Variants in IFNAR2 observed in about 807,000 individuals in gnomAD.
IFNAR2 encodes interferon alpha/beta receptor 2.
In IFNAR2, 30 loss-of-function variants were observed where a neutral mutation model predicts 49.4. That is an observed-to-expected ratio of 0.61 (90% confidence interval 0.45 to 0.82). The LOEUF (loss-of-function observed/expected upper bound fraction) is 0.82. Ranked by LOEUF, IFNAR2 falls within the 40% of genes least tolerant of loss-of-function variation. IFNAR2 has a pLI of 0.00. For missense variants in IFNAR2, 600 were observed against 622.7 expected, an observed-to-expected ratio of 0.96 and a Z score of 0.39; for synonymous variants, 224 against 234.5, an observed-to-expected ratio of 0.96 and a Z score of 0.41.
Position 33,263,763 on chromosome 21 carries a change from A to T in IFNAR2, c.*263A>T. 2.3e-6 allele frequency: 1 copy of T among 432,110 alleles called. No homozygotes were observed. 26.8% of individuals were successfully genotyped at this position (432,110 alleles called of 1,614,324 possible). On this transcript the variant is annotated 3_prime_UTR_variant, in exon 9 of 9. Coordinates refer to ENST00000342136, the MANE Select transcript of IFNAR2 (RefSeq NM_001289125.3). ...ACCTTTCCTTTACACTAATGCACTT[A>T]GGATGTTTCTGCATCATGTCTACCA...
rs528470888 is a variant in IFNAR2 at position 33,244,760 on chromosome 21, A to T, written c.98-191A>T. Among the ~76,000 whole-genome samples the T allele has an allele frequency of 3.4e-4, 51 of 152,190 alleles. 1 individual carries two copies. Among genetic ancestry groups the T allele is most frequent in the African/African-American group, 1.1e-3 (47 of 41,516 alleles). On this transcript the variant is annotated intron_variant, in intron 3 of 8. Coordinates refer to ENST00000342136, the MANE Select transcript of IFNAR2 (RefSeq NM_001289125.3). ...TCCCATGCTTGCCTGCCCTGACAAT[A>T]TGTTGCTCGTTAATTGACTTACTAA...
At chr21:33,245,645 A>T (rs2252650) in intron 4 of IFNAR2, among the ~76,000 whole-genome samples, 101,061 of 152,044 alleles carry the variant, frequency 0.66, 33,976 homozygotes, top group African/African-American at 0.74. Context: ...GACATAATGG[A>T]TGGAGTCCTG....
intron 4 of IFNAR2, 24 bp from the exon 5 acceptor site, chr21:33,246,694 T>G: frequency 6.3e-7 from 1 of 1,597,708 alleles, no homozygotes; most frequent in Non-Finnish European, 8.5e-7. Context: ...ACAATTTCCT[T>G]TTTCCATTTT....
In IFNAR2 at chr21:33,249,061, C is replaced by T. The variant is rs924486130; in HGVS notation, c.540+207C>T. On this transcript the variant is annotated intron_variant, in intron 6 of 8. Coordinates refer to ENST00000342136, the MANE Select transcript of IFNAR2 (RefSeq NM_001289125.3). ...CAGTGTTCTTTAAAAGAATAAGCCA[C>T]GGCTGGGCCTGGTGGCTCACGCCTA... Among the ~76,000 whole-genome samples the T allele has an allele frequency of 9.2e-5, 14 of 152,098 alleles. No individual in the cohort carries two copies. The South Asian group carries it at 1.2e-3, about 14-fold the overall frequency.
chr21:33,260,840 CACCA>C (rs1988519838), intron 8 of IFNAR2, 113 bp downstream of exon 8: 1 of 620,480 alleles, frequency 1.6e-6, no homozygotes, highest in African/African-American at 1.9e-5. Context: ...TTTCTATAAA[CACCA>C]AAATGCTTTC....
In IFNAR2 at chr21:33,243,645, CCT is replaced by C. The variant is rs1267330403; in HGVS notation, c.56-23_56-22del. 5.0e-6 allele frequency: 8 copies of C among 1,596,576 alleles called. No individual in the cohort carries two copies. In the African/African-American group the frequency reaches 8.1e-5, roughly 16 times the overall value. On this transcript the variant is annotated intron_variant, in intron 2 of 8. Transcript: ENST00000342136. ...AAGTTGAGCCCAGATAAAACTATTG[CCT>C]CTCTAATGTGTTTTCTTCCTTCTAG...
At chr21:33,248,670 T>A (rs763854278) in intron 5 of IFNAR2, 39 bp from the exon 6 acceptor site, 1 of 1,562,872 alleles carries the variant, frequency 6.4e-7, no homozygotes, top group Non-Finnish European at 8.7e-7. Context: ...ACATATGGTC[T>A]CTGTGACATA....
chr21:33,238,126 A>G (rs1986619661), intron 1 of IFNAR2, among the ~76,000 whole-genome samples: 1 of 152,148 alleles, frequency 6.6e-6, no homozygotes, highest in Non-Finnish European at 1.5e-5. Flanking sequence ...CGAAAAATGC[A>G]AGTTAGCTCC....
chr21:33,252,570 T>A, intron 6 of IFNAR2, 92 bp from the exon 7 acceptor site: 1 of 1,497,168 alleles, frequency 6.7e-7, no homozygotes, highest in African/African-American at 1.4e-5. Context: ...AATCTAACCC[T>A]GTTTGAGATT....
At chr21:33,242,950 G>A (rs377192836) in intron 2 of IFNAR2, among the ~76,000 whole-genome samples, 9 of 147,572 alleles carry the variant, frequency 6.1e-5, no homozygotes, top group East Asian at 4.2e-4. Flanking sequence ...CACCATGCCC[G>A]GCTAATTTTT....
At position 33,262,867 on chromosome 21, in the gene IFNAR2, T is replaced by G; in HGVS notation, c.915T>G (p.Ile305Met). 2.5e-6 allele frequency: 4 copies of G among 1,614,024 alleles called. No homozygotes were observed. Among genetic ancestry groups the G allele is most frequent in the Non-Finnish European group, 3.4e-6 (4 of 1,179,976 alleles). The change falls in exon 9 of 9, where the codon ATT (isoleucine) becomes ATG (methionine). Residue 305 changes from isoleucine to methionine, a missense_variant. Ile to Met is a conservative substitution (Grantham distance 10). Coordinates refer to ENST00000342136, the MANE Select transcript of IFNAR2 (RefSeq NM_001289125.3). Reference sequence around the variant, plus strand: ...AAGCCATGGATATGGTGGAGGTCATTTACATCAACAGAAAGAAGAAAGTGT... The same window carrying G: ...AAGCCATGGATATGGTGGAGGTCATGTACATCAACAGAAAGAAGAAAGTGT... ...PLEAMDMVEV[I>M]YINRKKKVWD...
intron 4 of IFNAR2, 42 bp downstream of exon 4, chr21:33,245,116 G>A (rs1346523248): frequency 4.1e-6 from 6 of 1,453,608 alleles, no homozygotes; most frequent in Non-Finnish European, 5.8e-6. Flanking sequence ...ACATATTATT[G>A]TTCTGTTATA....
intron 1 of IFNAR2, among the ~76,000 whole-genome samples, chr21:33,235,205 C>T (rs960066428): frequency 2.0e-5 from 3 of 152,188 alleles, no homozygotes; most frequent in Non-Finnish European, 4.4e-5. Context: ...TGCGTCCTGT[C>T]TTATCAGCAG....
rs1212839452 is a variant in IFNAR2 at position 33,263,433 on chromosome 21, C to G, written c.1481C>G (p.Ala494Gly). ...PSSEGLWSED[A>G]PSDQSDTSES... Reference sequence around the variant, plus strand: ...TCAGAGGGCCTGTGGTCCGAAGATGCTCCATCTGATCAAAGTGACACTTCT... The same window carrying G: ...TCAGAGGGCCTGTGGTCCGAAGATGGTCCATCTGATCAAAGTGACACTTCT... The change falls in exon 9 of 9, where the codon GCT becomes GGT. Residue 494 changes from alanine (A) to glycine (G), a missense_variant. Physicochemically the swap from Ala to Gly is moderately conservative, Grantham distance 60 (BLOSUM62 0). Transcript: ENST00000342136. 6.2e-7 allele frequency: 1 copy of G among 1,614,046 alleles called. No individual in the cohort carries two copies. Among genetic ancestry groups the G allele is most frequent in the East Asian group, 2.2e-5 (1 of 44,882 alleles).
rs1417782861 is a variant in IFNAR2, at chr21:33,263,145, G to GA, written c.1196dup (p.Ser400GlufsTer37). 1.2e-6 allele frequency: 2 copies of GA among 1,614,218 alleles called. No individual in the cohort carries two copies. Among genetic ancestry groups the GA allele is most frequent in the African/African-American group, 1.3e-5 (1 of 75,042 alleles). On this transcript the variant is annotated frameshift_variant, in exon 9 of 9. Coordinates refer to ENST00000342136, the MANE Select transcript of IFNAR2 (RefSeq NM_001289125.3). LOFTEE classifies it high-confidence loss of function. The stretch of plus-strand genomic sequence containing the variant: ...CTCTTGAGTGGGCCCTGTGAGAGGA[G>GA]AAAGAGTCCACTCCAGGACCCTTTT...
intron 6 of IFNAR2, chr21:33,252,106 A>ATCTATCTG (rs1445930659): frequency 4.3e-6 from 2 of 462,430 alleles, no homozygotes; most frequent in Non-Finnish European, 9.0e-6. Context: ...CTATCTATCT[A>ATCTATCTG]TCTATCTATC....
intron 7 of IFNAR2, among the ~76,000 whole-genome samples, chr21:33,253,090 G>A (rs1418297087): frequency 6.6e-6 from 1 of 152,204 alleles, no homozygotes; most frequent in Non-Finnish European, 1.5e-5. Flanking sequence ...GTTTCAGGGA[G>A]TCAGGATTAA....
intron 7 of IFNAR2, among the ~76,000 whole-genome samples, chr21:33,253,404 G>A (rs936387691): frequency 2.0e-5 from 3 of 152,098 alleles, no homozygotes; most frequent in Admixed American, 6.6e-5. Context: ...ATCAAGCCTC[G>A]GAACTCCCTG....
At chr21:33,262,770 C>A (rs781472380) in intron 8 of IFNAR2, 23 bp from the exon 9 acceptor site, 2 of 1,561,738 alleles carry the variant, frequency 1.3e-6, no homozygotes, top group East Asian at 4.6e-5. Flanking sequence ...CGGACTCTCT[C>A]TCTCTTTTTT....
Sources: allele counts gnomAD v4.1 joint callset (sites outside exome capture counted in the v4.1 genomes callset), GRCh38; gene constraint gnomAD v4.1.1; transcripts MANE v1.5; gene names NCBI Gene and HGNC (gene_info 2026-07-23, HGNC 2026-07-21).